The following BORCS5 variants were observed in gnomAD, a reference collection of about 807,000 sequenced individuals.
BORCS5 encodes BLOC-1 related complex subunit 5, also known as BLOC-1-related complex subunit 5.
BORCS5 carries 17 observed loss-of-function variants against 22.1 expected under a neutral mutation model. The observed-to-expected ratio is 0.77, with a 90% CI of 0.53 to 1.15. BORCS5 has a LOEUF of 1.15. Ranked by LOEUF, BORCS5 falls within the 50% of genes most tolerant of loss-of-function variation. The pLI, the probability that BORCS5 is intolerant of heterozygous loss-of-function variation, is 0.00. For synonymous variants in BORCS5, 117 were observed against 99.8 expected (o/e 1.17, Z -1.03); for missense variants, 247 against 253.2 (o/e 0.98, Z 0.17).
chr12:12,427,644 A>G (rs1942322655), intron 2 of BORCS5, among the ~76,000 whole-genome samples: 1 of 152,214 alleles, frequency 6.6e-6, no homozygotes, highest in Non-Finnish European at 1.5e-5. Context: ...TTGGGCTCCT[A>G]TAACAGAATA....
At chr12:12,415,668 G>A (rs1941927475) in intron 2 of BORCS5, among the ~76,000 whole-genome samples, 1 of 151,542 alleles carries the variant, frequency 6.6e-6, no homozygotes, top group South Asian at 2.1e-4. Flanking sequence ...TTGTGTTCCA[G>A]GAATAAATCT....
chr12:12,413,480 C>T (rs986211077), intron 2 of BORCS5, among the ~76,000 whole-genome samples: 40 of 150,138 alleles, frequency 2.7e-4, no homozygotes, highest in Non-Finnish European at 5.0e-4. Flanking sequence ...ATGTCTACCT[C>T]CATCCACACA....
intron 3 of BORCS5, among the ~76,000 whole-genome samples, chr12:12,447,734 C>T (rs113763784): frequency 1.6e-4 from 25 of 152,290 alleles, no homozygotes; most frequent in Non-Finnish European, 2.9e-4. Context: ...GGTGCATACA[C>T]GAGGGAATTA....
rs574602496 is a variant in BORCS5 at position 12,468,251 on chromosome 12, A to T, written c.*2475A>T. ...TGGTTCTTTTCTGATGGAACCTCTG[A>T]CTGGTAACATGGCATTACCAGTCCT... On this transcript the variant is annotated 3_prime_UTR_variant, in exon 4 of 4. Transcript: ENST00000314565. 1 of 152,194 alleles carries T rather than the reference A, an allele frequency of 6.6e-6. No individual in the cohort carries two copies. Among genetic ancestry groups the T allele is most frequent in the South Asian group, 2.1e-4 (1 of 4,818 alleles). 9.4% of individuals were successfully genotyped at this position (152,194 alleles called of 1,614,324 possible).
rs201404558 is a variant in BORCS5 at position 12,407,702 on chromosome 12, C to CTTTTTT, written c.203-27921_203-27920insTTTTTT. ...TATTTTCGCCATGAATTTTACTATT[C>CTTTTTT]TTTTTGTTTTTTTTTTTTTTTGAGA... is the stretch of plus-strand genomic sequence containing the variant. On this transcript the variant is annotated intron_variant, in intron 2 of 3. Coordinates refer to ENST00000314565, the MANE Select transcript of BORCS5 (RefSeq NM_058169.6). Among the ~76,000 whole-genome samples the CTTTTTT allele has an allele frequency of 1.3e-4, 18 of 141,752 alleles. 1 individual carries two copies. The highest frequency in any genetic ancestry group is 1.5e-4 in the Non-Finnish European group (10 of 64,984). The allele number at this position is 141,752 out of a possible 152,430, so 93.0% of individuals were successfully genotyped here. A position where few individuals can be genotyped will look rare whatever the true frequency, so the allele number is the denominator to read the frequency against.
intron 2 of BORCS5, among the ~76,000 whole-genome samples, chr12:12,365,990 G>C (rs1863398750): frequency 6.6e-6 from 1 of 152,170 alleles, no homozygotes; most frequent in East Asian, 1.9e-4. Context: ...ATTTGTTGCA[G>C]AGCCTCCTGC....
At chr12:12,397,081 G>GT (rs1352628003) in intron 2 of BORCS5, among the ~76,000 whole-genome samples, 2 of 152,088 alleles carry the variant, frequency 1.3e-5, no homozygotes, top group African/African-American at 4.8e-5. Context: ...TTTTGGCCTT[G>GT]TTTTTGTTAA....
In BORCS5 at chr12:12,360,567, ATTTTT is replaced by A. The variant is rs35965943; in HGVS notation, c.59-617_59-613del. On this transcript the variant is annotated intron_variant, in intron 1 of 3. Coordinates refer to ENST00000314565, the MANE Select transcript of BORCS5 (RefSeq NM_058169.6). ...CACCACATCTGACTAATTAAAAGAAATTTTTTTTTTTTTTTTTTTTTTTTTTAGAG... is the reference window on the plus strand; with the variant it reads ...CACCACATCTGACTAATTAAAAGAAATTTTTTTTTTTTTTTTTTTTTAGAG... 1.8e-3 allele frequency among the ~76,000 whole-genome samples: 161 copies of A among 89,244 alleles called. 2 individuals are homozygous for A. The highest frequency in any genetic ancestry group is 6.9e-3 in the African/African-American group (158 of 22,894). 58.5% of individuals were successfully genotyped at this position (89,244 alleles called of 152,430 possible).
rs776150984 is a variant in BORCS5, at chr12:12,471,177, A to C, written c.*5401A>C. On this transcript the variant is annotated 3_prime_UTR_variant, in exon 4 of 4. Coordinates refer to ENST00000314565, the MANE Select transcript of BORCS5 (RefSeq NM_058169.6). Reference sequence around the variant, plus strand: ...ACCAAAAGAATGAAACTGTTTTTACATAAGTGCATATTGCTGTCTCTGCAA... The same window carrying C: ...ACCAAAAGAATGAAACTGTTTTTACCTAAGTGCATATTGCTGTCTCTGCAA... 6.6e-6 allele frequency among the ~76,000 whole-genome samples: 1 copy of C among 152,240 alleles called. No individual in the cohort carries two copies. The highest frequency in any genetic ancestry group is 2.4e-5 in the African/African-American group (1 of 41,462).
rs146826013 is a variant in BORCS5, at chr12:12,419,663, G to A, written c.203-15965G>A. 5.3e-3 allele frequency among the ~76,000 whole-genome samples: 812 copies of A among 152,210 alleles called. 2 individuals carry two copies. The highest frequency in any genetic ancestry group is 0.014 in the African/African-American group (597 of 41,530). On this transcript the variant is annotated intron_variant, in intron 2 of 3. Transcript: ENST00000314565. ...TGGACTAAATTACACTCCCACCAAC[G>A]GTGTAAAAGTGTTCCTGTTTCTCCG... is the stretch of plus-strand genomic sequence containing the variant.
At chr12:12,453,627 G>A (rs912091503) in intron 3 of BORCS5, among the ~76,000 whole-genome samples, 2 of 152,022 alleles carry the variant, frequency 1.3e-5, no homozygotes, top group Non-Finnish European at 2.9e-5. Context: ...ATCTGTCGGG[G>A]GTCTGGGAGA....
At chr12:12,392,644 G>T (rs1314432691) in intron 2 of BORCS5, among the ~76,000 whole-genome samples, 1 of 152,118 alleles carries the variant, frequency 6.6e-6, no homozygotes, top group African/African-American at 2.4e-5. Flanking sequence ...CAAGGATGCT[G>T]TGAGAATTAA....
At chr12:12,365,073 GA>G (rs2136019881) in intron 2 of BORCS5, among the ~76,000 whole-genome samples, 1 of 152,338 alleles carries the variant, frequency 6.6e-6, no homozygotes, top group Admixed American at 6.5e-5. Flanking sequence ...TTTTAACTGG[GA>G]CTTTGCCACC....
Position 12,357,405 on chromosome 12 carries a change from G to A in BORCS5, c.-47G>A. 1.3e-6 allele frequency: 2 copies of A among 1,590,804 alleles called. No homozygotes were observed. The highest frequency in any genetic ancestry group is 1.7e-6 in the Non-Finnish European group (2 of 1,164,696). ...TGCCCTGTCGCCCGCCGCCGGAGCG[G>A]TGACCGCCCGGCCCGCCGTTCTTCT... On this transcript the variant is annotated 5_prime_UTR_variant, in exon 1 of 4. The change creates a new upstream start codon in the 5' untranslated region. Coordinates refer to ENST00000314565, the MANE Select transcript of BORCS5 (RefSeq NM_058169.6).
intron 2 of BORCS5, among the ~76,000 whole-genome samples, chr12:12,433,024 A>G (rs1021424333): frequency 6.6e-6 from 1 of 152,140 alleles, no homozygotes; most frequent in Non-Finnish European, 1.5e-5. Flanking sequence ...ACAGACACAA[A>G]TCAGTGCAAA....
At chr12:12,414,152 C>T (rs1382299589) in intron 2 of BORCS5, among the ~76,000 whole-genome samples, 3 of 94,038 alleles carry the variant, frequency 3.2e-5, no homozygotes, top group Admixed American at 9.3e-5. Flanking sequence ...GCTGGCCGGG[C>T]GGGGGGCTGA....
intron 2 of BORCS5, among the ~76,000 whole-genome samples, chr12:12,403,594 T>C (rs1372690354): frequency 6.6e-6 from 1 of 152,240 alleles, no homozygotes; most frequent in Non-Finnish European, 1.5e-5. Context: ...TAAAGGAGCA[T>C]GTTTTCACAG....
chr12:12,370,104 A>T, intron 2 of BORCS5, among the ~76,000 whole-genome samples: 1 of 111,288 alleles, frequency 9.0e-6, no homozygotes, highest in Middle Eastern at 4.2e-3. Flanking sequence ...TTTTATACAC[A>T]CACACACACA....
In BORCS5 at chr12:12,471,031, A is replaced by G. The variant is rs1004650450; in HGVS notation, c.*5255A>G. 1.3e-5 allele frequency among the ~76,000 whole-genome samples: 2 copies of G among 152,238 alleles called. No individual in the cohort carries two copies. Among genetic ancestry groups the G allele is most frequent in the Admixed American group, 6.5e-5 (1 of 15,286 alleles). The stretch of plus-strand genomic sequence containing the variant: ...AATTGTCATAATTCTGACAGAGAAC[A>G]CAGACCATTACTGAATGCTCTTCAG... On this transcript the variant is annotated 3_prime_UTR_variant, in exon 4 of 4. Coordinates refer to ENST00000314565, the MANE Select transcript of BORCS5 (RefSeq NM_058169.6).
Sources: allele counts gnomAD v4.1 joint callset (sites outside exome capture counted in the v4.1 genomes callset), GRCh38; gene constraint gnomAD v4.1.1; transcripts MANE v1.5; gene names NCBI Gene and HGNC (gene_info 2026-07-23, HGNC 2026-07-21).